Variants in KMT2C observed in about 807,000 individuals in gnomAD.
KMT2C encodes the protein histone-lysine N-methyltransferase 2C.
A neutral mutation model predicts 507.9 loss-of-function variants in KMT2C; 88 were observed. The observed-to-expected ratio is 0.17, with a 90% CI of 0.15 to 0.21. KMT2C has a LOEUF of 0.21. Ranked by LOEUF, KMT2C falls within the 10% of genes least tolerant of loss-of-function variation. The pLI, the probability that KMT2C is intolerant of heterozygous loss-of-function variation, is 1.00. For synonymous variants in KMT2C, 2,049 were observed against 2,080.8 expected (o/e 0.98, Z 0.42); for missense variants, 4,954 against 5,957.8 (o/e 0.83, Z 5.55).
chr7:152,381,078 A>C (rs1196922534), intron 1 of KMT2C, among the ~76,000 whole-genome samples: 1 of 152,282 alleles, frequency 6.6e-6, no homozygotes, highest in Non-Finnish European at 1.5e-5. Context: ...TGTTCAATGG[A>C]CATCCCATTT....
chr7:152,368,758 T>G, intron 1 of KMT2C: 2 of 864,106 alleles, frequency 2.3e-6, no homozygotes, highest in Non-Finnish European at 3.7e-6. Flanking sequence ...ACCAGTTTCA[T>G]CCATAATGAT....
At position 152,323,640 on chromosome 7, in the gene KMT2C, G is replaced by GA. The variant is rs1334840007; in HGVS notation, c.389+6960dup. Among the ~76,000 whole-genome samples, 230 of 62,694 alleles carry GA rather than the reference G, an allele frequency of 3.7e-3. 1 individual carries two copies. Among genetic ancestry groups the GA allele is most frequent in the African/African-American group, 0.011 (183 of 16,976 alleles). 41.1% of individuals were successfully genotyped at this position (62,694 alleles called of 152,430 possible). A position where few individuals can be genotyped will look rare whatever the true frequency, so the allele number is the denominator to read the frequency against. ...GGCAACAGAGTGACACCCTTTCAAA[G>GA]AAAAAAAAAAAGAGAGAGAAAGAGA... On this transcript the variant is annotated intron_variant, in intron 3 of 58. Coordinates refer to ENST00000262189, the MANE Select transcript of KMT2C (RefSeq NM_170606.3).
chr7:152,401,359 T>C (rs1244150588), intron 1 of KMT2C, among the ~76,000 whole-genome samples: 1 of 147,990 alleles, frequency 6.8e-6, no homozygotes, highest in Admixed American at 6.8e-5. Context: ...GGATTACAGG[T>C]GTGAGCCACC....
In KMT2C at chr7:152,154,431, C is replaced by T. The variant is rs2129098846; in HGVS notation, c.11975G>A (p.Cys3992Tyr). 5 of 1,613,302 alleles carry T rather than the reference C, an allele frequency of 3.1e-6. No homozygotes were observed. The South Asian group carries it at 5.5e-5, about 18-fold the overall frequency. ...NQEELRIQDHCGDRDTPDSFV... is the reference protein window; with the variant it reads ...NQEELRIQDHYGDRDTPDSFV... ...ACTGTCAGGAGTATCTCGATCACCA[C>T]AGTGATCCTGTATCCTGAAAAAACA... Residue 3992 changes from cysteine (C) to tyrosine (Y), a missense_variant, in exon 47 of 59, where the codon TGT (cysteine) becomes TAT (tyrosine). Transcript: ENST00000262189.
intron 1 of KMT2C, among the ~76,000 whole-genome samples, chr7:152,410,670 ATATATG>A (rs1201295212): frequency 2.0e-5 from 3 of 149,084 alleles, no homozygotes; most frequent in Admixed American, 6.7e-5. Context: ...GAGATTATGT[ATATATG>A]TATATGTATA....
intron 1 of KMT2C, among the ~76,000 whole-genome samples, chr7:152,411,002 CA>C (rs957998055): frequency 1.3e-5 from 2 of 150,732 alleles, no homozygotes; most frequent in Admixed American, 6.6e-5. Flanking sequence ...GACCAAGTCT[CA>C]AAAAAAATAT....
intron 23 of KMT2C, among the ~76,000 whole-genome samples, chr7:152,218,752 C>T (rs534004621): frequency 2.0e-5 from 3 of 152,106 alleles, no homozygotes; most frequent in Non-Finnish European, 2.9e-5. Context: ...TTCTCACCTT[C>T]TGACTGTCCC....
Position 152,162,491 on chromosome 7 carries a change from G to T in KMT2C, c.11086C>A (p.Gln3696Lys). ...NSDFSQATPN[Q>K]QTYANSEVDK... Reference sequence around the variant, plus strand: ...ACTTCTGAATTTGCATACGTCTGTTGATTTGGAGTTGCTTGTGAGAAATCA... The same window carrying T: ...ACTTCTGAATTTGCATACGTCTGTTTATTTGGAGTTGCTTGTGAGAAATCA... The change falls in exon 43 of 59, where the codon CAA (glutamine) becomes AAA (lysine). Residue 3696 changes from glutamine (Q) to lysine (K), a missense_variant. Coordinates refer to ENST00000262189, the MANE Select transcript of KMT2C (RefSeq NM_170606.3). 6.2e-7 allele frequency: 1 copy of T among 1,614,230 alleles called. No homozygotes were observed. The highest frequency in any genetic ancestry group is 1.1e-5 in the South Asian group (1 of 91,078).
At chr7:152,316,313 C>G (rs926529296) in intron 3 of KMT2C, among the ~76,000 whole-genome samples, 12 of 152,206 alleles carry the variant, frequency 7.9e-5, no homozygotes, top group Admixed American at 5.2e-4. Context: ...TGTAACACAG[C>G]ACACAATACT....
intron 1 of KMT2C, among the ~76,000 whole-genome samples, chr7:152,410,411 C>CAA (rs66620029): frequency 3.8e-5 from 4 of 106,100 alleles, no homozygotes; most frequent in Non-Finnish European, 5.9e-5. Context: ...GACCCTGTCT[C>CAA]AAAAAAAAAA....
At chr7:152,215,646 C>T (rs2094557768) in intron 23 of KMT2C, among the ~76,000 whole-genome samples, 1 of 142,224 alleles carries the variant, frequency 7.0e-6, no homozygotes, top group South Asian at 2.2e-4. Flanking sequence ...AAATGAAGGA[C>T]AGTAAATAGT....
chr7:152,147,018 A>C (rs543137804), intron 52 of KMT2C, among the ~76,000 whole-genome samples: 2 of 152,374 alleles, frequency 1.3e-5, no homozygotes, highest in East Asian at 3.9e-4. Flanking sequence ...ATTTACTTTC[A>C]TAGTGGCCAT....
chr7:152,275,851 C>T (rs1488747158), intron 6 of KMT2C, among the ~76,000 whole-genome samples: 5 of 152,102 alleles, frequency 3.3e-5, no homozygotes, highest in Non-Finnish European at 7.4e-5. Context: ...AATCTAAAAT[C>T]GCTTATTTTG....
Position 152,138,748 on chromosome 7 carries a change from C to A in KMT2C, c.14643+48G>T, listed in dbSNP as rs1238735075. ...TGACCTGTGTGAGGAGGGAACTATT[C>A]GCCCAGGATCTGAACAACATGGCAG... is the stretch of plus-strand genomic sequence containing the variant. On this transcript the variant is annotated intron_variant, in intron 58 of 58. Transcript: ENST00000262189. This position sits in a 1 kb window ranked among gnomAD's most constrained non-coding sequence, Gnocchi z 4.2. 7.8e-6 allele frequency: 9 copies of A among 1,147,392 alleles called. No homozygotes were observed. Among genetic ancestry groups the A allele is most frequent in the Non-Finnish European group, 1.1e-5 (9 of 790,840 alleles). The allele number at this position is 1,147,392 out of a possible 1,614,324, so 71.1% of individuals were successfully genotyped here.
rs538460804 is a variant in KMT2C, at chr7:152,136,813, A to G, written c.*19T>C. 4.4e-6 allele frequency: 7 copies of G among 1,585,300 alleles called. No homozygotes were observed. In the South Asian group the frequency reaches 6.6e-5, roughly 15 times the overall value. On this transcript the variant is annotated 3_prime_UTR_variant, in exon 59 of 59. Coordinates refer to ENST00000262189, the MANE Select transcript of KMT2C (RefSeq NM_170606.3). ...CTTCCTAGGGACAAGCCGCCCGCTG[A>G]GCTAGCAAGGAATGCATTTCAGTTC... is the stretch of plus-strand genomic sequence containing the variant.
chr7:152,193,490 A>G (rs772074880), intron 31 of KMT2C, among the ~76,000 whole-genome samples: 2 of 152,220 alleles, frequency 1.3e-5, no homozygotes, highest in Middle Eastern at 3.2e-3. Context: ...TAAGCAAGAC[A>G]TGGACAACTC....
At chr7:152,271,737 C>T (rs79812175) in intron 7 of KMT2C, among the ~76,000 whole-genome samples, 3 of 146,628 alleles carry the variant, frequency 2.0e-5, no homozygotes, top group East Asian at 4.1e-4. Flanking sequence ...CTTGATTTTA[C>T]ACCACCGACT....
At chr7:152,257,528 T>G (rs534104396) in intron 9 of KMT2C, among the ~76,000 whole-genome samples, 1 of 152,216 alleles carries the variant, frequency 6.6e-6, no homozygotes, top group African/African-American at 2.4e-5. Context: ...TAAAATCTAT[T>G]ACTGAGAGCA....
chr7:152,411,037 A>G (rs1387260362), intron 1 of KMT2C, among the ~76,000 whole-genome samples: 1 of 152,128 alleles, frequency 6.6e-6, no homozygotes, highest in East Asian at 1.9e-4. Context: ...GTATATATGT[A>G]TATGTGTGTA....
Sources: gnomAD v4.1 joint callset for allele counts (sites outside exome capture counted in the v4.1 genomes callset) on GRCh38, gnomAD v4.1.1 for gene constraint, Gnocchi (gnomAD v3.1) non-coding constraint, MANE v1.5 for transcripts, NCBI Gene and HGNC (gene_info 2026-07-23, HGNC 2026-07-21) for gene names.